Variants in TLN1 observed in about 807,000 individuals in gnomAD.
TLN1 encodes the protein talin 1, also known as talin-1.
TLN1 carries 56 observed loss-of-function variants against 292.3 expected under a neutral mutation model. That is an observed-to-expected ratio of 0.19 (90% CI 0.15 to 0.24). TLN1 has a LOEUF of 0.24. Ranked by LOEUF, TLN1 falls within the 10% of genes least tolerant of loss-of-function variation. The pLI, the probability that TLN1 is intolerant of heterozygous loss-of-function variation, is 1.00. For missense variants in TLN1, 2,433 were observed against 3,248.2 expected, an observed-to-expected ratio of 0.75 and a Z score of 6.10; for synonymous variants, 1,119 against 1,253.7, an observed-to-expected ratio of 0.89 and a Z score of 2.27.
chr9:35,712,820 T>C lies in TLN1; in HGVS notation c.3561+15A>G. 6.4e-7 allele frequency: 1 copy of C among 1,555,262 alleles called. No individual in the cohort carries two copies. The highest frequency in any genetic ancestry group is 8.7e-7 in the Non-Finnish European group (1 of 1,145,902). On this transcript the variant is annotated intron_variant, in intron 27 of 56. Transcript: ENST00000314888. The stretch of plus-strand genomic sequence containing the variant: ...AACCTGGGGGAGAGGGAGTGGCCCT[T>C]TCCCAGTATCTGACCTGGGCAAGCC...
rs148894711 is a variant in TLN1 at position 35,707,819 on chromosome 9, C to T, written c.4544G>A (p.Arg1515His). 121 of 1,613,928 alleles carry T rather than the reference C, an allele frequency of 7.5e-5. No homozygotes were observed. The highest frequency in any genetic ancestry group is 6.1e-4 in the African/African-American group (46 of 74,852). ...GCGCTTGGCAGTAGGATTGGTGGTA[C>T]GGGCAGAAGCCAGGCGACAGCTGTT... The part of the protein sequence containing the change: ...LCNSCRLASA[R>H]TTNPTAKRQF... The change falls in exon 35 of 57, where the codon CGT (arginine) becomes CAT (histidine). Residue 1515 changes from arginine to histidine, a missense_variant. Arg to His is a conservative substitution (Grantham distance 29). Around this residue, in one of 7 missense-constraint regions of TLN1, gnomAD observed 1,384 missense variants for 1,699.6 expected, o/e 0.81. Transcript: ENST00000314888. This position sits in a 1 kb window ranked among gnomAD's most constrained non-coding sequence, Gnocchi z 5.6.
Position 35,716,520 on chromosome 9 carries a change from G to C in TLN1, c.2495C>G (p.Ala832Gly). 1 of 1,614,210 alleles carries C rather than the reference G, an allele frequency of 6.2e-7. No homozygotes were observed. ...MVRQARILAQ[A>G]TSDLVNAIKA... is the part of the protein sequence containing the mutation. ...GATGGCATTGACCAGGTCAGATGTG[G>C]CTTGGGCCAGGATGCGGGCCTGTCG... The change falls in exon 20 of 57, where the codon GCC (alanine) becomes GGC (glycine). Residue 832 changes from alanine to glycine, a missense_variant. Coordinates refer to ENST00000314888, the MANE Select transcript of TLN1 (RefSeq NM_006289.4).
chr9:35,718,310 G>A (rs1163178800), intron 17 of TLN1, among the ~76,000 whole-genome samples: 2 of 152,250 alleles, frequency 1.3e-5, no homozygotes, highest in African/African-American at 2.4e-5. Flanking sequence ...AGTGTATGCG[G>A]CTCAGAGAGG....
chr9:35,705,558 T>G lies in TLN1; in HGVS notation c.5726A>C (p.Asn1909Thr), dbSNP rs907878717. 1.3e-6 allele frequency: 2 copies of G among 1,586,124 alleles called. No homozygotes were observed. Among genetic ancestry groups the G allele is most frequent in the Non-Finnish European group, 1.7e-6 (2 of 1,164,176 alleles). ...EAKPAAVAAE[N>T]EEIGSHIKHR... ...AGTTGCCTCCACGTTTACCTCTTCA[T>G]TTTCAGCAGCCACCGCTGCAGGCTT... The change falls in exon 43 of 57, where the codon AAT becomes ACT. Residue 1909 changes from asparagine to threonine, a missense_variant. This residue lies in a region of TLN1 where 1,384 missense variants were observed against 1,699.6 expected (regional missense o/e 0.81). Transcript: ENST00000314888.
At chr9:35,725,368 G>A in intron 2 of TLN1, 47 bp from the exon 3 acceptor site, 1 of 1,589,528 alleles carries the variant, frequency 6.3e-7, no homozygotes, top group Non-Finnish European at 8.6e-7. Flanking sequence ...ACCCCAATGT[G>A]GCTGAACAGC....
In TLN1 at chr9:35,706,095, T is replaced by A. The variant is rs931960025; in HGVS notation, c.5378A>T (p.Gln1793Leu). 2.5e-6 allele frequency: 4 copies of A among 1,614,182 alleles called. No individual in the cohort carries two copies. Among genetic ancestry groups the A allele is most frequent in the Non-Finnish European group, 3.4e-6 (4 of 1,180,026 alleles). ...GGNPKQAAHT[Q>L]EALEEAVQMM... ...CTGCACAGCCTCCTCCAGGGCTTCC[T>A]GGGTGTGAGCTGCTTGCTGTGGGGA... The change falls in exon 41 of 57, where the codon CAG (glutamine) becomes CTG (leucine). Residue 1793 changes from glutamine (Q) to leucine (L), a missense_variant. Transcript: ENST00000314888. This position sits in a 1 kb window ranked among gnomAD's most constrained non-coding sequence, Gnocchi z 4.2.
chr9:35,714,787 G>C lies in TLN1; in HGVS notation c.2844C>G (p.Pro948=), dbSNP rs747983214. The stretch of plus-strand genomic sequence containing the variant: ...TGCAGCTCTGCACCAGCAGGGGCTG[G>C]GGGCCGGCAGAGGCCTTGGGGGTAG... The part of the protein sequence containing the change: ...AASTPKASAG[P]QPLLVQSCKA... The change falls in exon 22 of 57, where the codon CCC becomes CCG. Residue 948 remains proline, a synonymous_variant. Coordinates refer to ENST00000314888, the MANE Select transcript of TLN1 (RefSeq NM_006289.4). This position sits in a 1 kb window ranked among gnomAD's most constrained non-coding sequence, Gnocchi z 4.6. The C allele has an allele frequency of 3.8e-6, 6 of 1,586,734 alleles. No homozygotes were observed. In the South Asian group the frequency reaches 5.8e-5, roughly 15 times the overall value.
Position 35,706,573 on chromosome 9 carries a change from G to A in TLN1, c.5089-22C>T. 6.2e-7 allele frequency: 1 copy of A among 1,611,626 alleles called. No individual in the cohort carries two copies. The highest frequency in any genetic ancestry group is 8.5e-7 in the Non-Finnish European group (1 of 1,178,212). On this transcript the variant is annotated intron_variant, in intron 38 of 56. Transcript: ENST00000314888. The surrounding 1 kb of genome is among the most constrained non-coding windows in gnomAD (Gnocchi z 4.2). ...AGGCCTGGGGAGGAAGTGGACATTAGCCCTGATGGTGACCTGCAATAGGAC... is the reference window on the plus strand; with the variant it reads ...AGGCCTGGGGAGGAAGTGGACATTAACCCTGATGGTGACCTGCAATAGGAC...
rs747380188 is a variant in TLN1, at chr9:35,717,782, G to A, written c.2000C>T (p.Ala667Val). ...ESDTDPHFQDALMQLAKAVAS... is the reference protein window; with the variant it reads ...ESDTDPHFQDVLMQLAKAVAS... The stretch of plus-strand genomic sequence containing the variant: ...CACAGCTTTGGCGAGCTGCATTAGC[G>A]CATCCTGTGAGAAAACAGCAGTTAG... Residue 667 changes from alanine to valine, a missense_variant, in exon 18 of 57, where the codon GCG becomes GTG. This residue lies in a region of TLN1 where 617 missense variants were observed against 770.6 expected (regional missense o/e 0.80). Coordinates refer to ENST00000314888, the MANE Select transcript of TLN1 (RefSeq NM_006289.4). The surrounding 1 kb of genome is among the most constrained non-coding windows in gnomAD (Gnocchi z 4.7). The A allele has an allele frequency of 9.4e-6, 15 of 1,595,396 alleles. No homozygotes were observed. Among genetic ancestry groups the A allele is most frequent in the Admixed American group, 6.7e-5 (4 of 59,420 alleles).
At chr9:35,708,613 AG>A in intron 33 of TLN1, 129 bp from the exon 34 acceptor site, 23 of 866,726 alleles carry the variant, frequency 2.7e-5, no homozygotes, top group Non-Finnish European at 3.3e-5. Context: ...GTTCTCCATG[AG>A]TGGAGATACA....
At chr9:35,702,311 CT>C (rs1384090806) in intron 48 of TLN1, among the ~76,000 whole-genome samples, 3 of 152,146 alleles carry the variant, frequency 2.0e-5, no homozygotes, top group African/African-American at 7.2e-5. Flanking sequence ...TGGATGTCTG[CT>C]TCTTACAGAA....
Position 35,713,941 on chromosome 9 carries a change from A to G in TLN1, c.3249+12T>C. On this transcript the variant is annotated intron_variant, in intron 25 of 56. Coordinates refer to ENST00000314888, the MANE Select transcript of TLN1 (RefSeq NM_006289.4). Reference sequence around the variant, plus strand: ...AGGATTTGAGTAAGAATGAGGTCTTAAACATACTTACTGTCTCCCCAGGTA... The same window carrying G: ...AGGATTTGAGTAAGAATGAGGTCTTGAACATACTTACTGTCTCCCCAGGTA... 6.2e-7 allele frequency: 1 copy of G among 1,614,090 alleles called. No individual in the cohort carries two copies. Among genetic ancestry groups the G allele is most frequent in the Non-Finnish European group, 8.5e-7 (1 of 1,180,024 alleles).
In TLN1 at chr9:35,706,291, G is replaced by T; in HGVS notation, c.5266C>A (p.Pro1756Thr). 6.2e-7 allele frequency: 1 copy of T among 1,613,944 alleles called. No individual in the cohort carries two copies. The highest frequency in any genetic ancestry group is 8.5e-7 in the Non-Finnish European group (1 of 1,179,858). The change falls in exon 40 of 57, where the codon CCG (proline) becomes ACG (threonine). Residue 1756 changes from proline (P) to threonine (T), a missense_variant. By Grantham distance (38) the Pro-to-Thr change is conservative. Around this residue, in one of 7 missense-constraint regions of TLN1, gnomAD observed 1,384 missense variants for 1,699.6 expected, o/e 0.81. Transcript: ENST00000314888. The surrounding 1 kb of genome is among the most constrained non-coding windows in gnomAD (Gnocchi z 4.2). ...VGAASKTLSH[P>T]QQMALLDQTK... The stretch of plus-strand genomic sequence containing the variant: ...TGGTCCAGGAGTGCCATCTGCTGCG[G>T]GTGGCTCAGGGTCTTGGAGGCAGCA...
rs1825856501 is a variant in TLN1, at chr9:35,720,172, T to C, written c.1331A>G (p.His444Arg). 3 of 1,608,484 alleles carry C rather than the reference T, an allele frequency of 1.9e-6. No homozygotes were observed. The highest frequency in any genetic ancestry group is 1.7e-6 in the Non-Finnish European group (2 of 1,177,580). ...QQYNRVGKVEHGSVALPAIMR... is the reference protein window; with the variant it reads ...QQYNRVGKVERGSVALPAIMR... ...GATGGCAGGCAGGGCCACAGAGCCA[T>C]GCTCCACTTTCCCCACCCGGTTGTA... is the stretch of plus-strand genomic sequence containing the variant. The change falls in exon 13 of 57, where the codon CAT becomes CGT. Residue 444 changes from histidine to arginine, a missense_variant. Around this residue, in one of 7 missense-constraint regions of TLN1, gnomAD observed 617 missense variants for 770.6 expected, o/e 0.80. Transcript: ENST00000314888.
At chr9:35,725,482 G>A in intron 2 of TLN1, 83 bp downstream of exon 2, 1 of 1,575,180 alleles carries the variant, frequency 6.3e-7, no homozygotes, top group Non-Finnish European at 8.7e-7. Flanking sequence ...AGGGGACAAA[G>A]GGGTCAACTC....
In TLN1 at chr9:35,697,400, A is replaced by C; in HGVS notation, c.*391T>G. 2 of 210,566 alleles carry C rather than the reference A, an allele frequency of 9.5e-6. No individual in the cohort carries two copies. Among genetic ancestry groups the C allele is most frequent in the Non-Finnish European group, 1.9e-5 (2 of 103,840 alleles). The allele number at this position is 210,566 out of a possible 1,614,324, so 13.0% of individuals were successfully genotyped here. Reference sequence around the variant, plus strand: ...TGGGGCTTATAACTCTGCAGCCCCTATGGGTAGCTGGGGGTGGGGGAAGAT... The same window carrying C: ...TGGGGCTTATAACTCTGCAGCCCCTCTGGGTAGCTGGGGGTGGGGGAAGAT... On this transcript the variant is annotated 3_prime_UTR_variant, in exon 57 of 57. Coordinates refer to ENST00000314888, the MANE Select transcript of TLN1 (RefSeq NM_006289.4).
Position 35,698,556 on chromosome 9 carries a change from C to T in TLN1, c.7189-51G>A. ...AATATGCCCCTTGCCCTGGTCCATC[C>T]CCACTCCAGCCTTCTCAAGTCTCTC... On this transcript the variant is annotated intron_variant, in intron 54 of 56. Transcript: ENST00000314888. This position sits in a 1 kb window ranked among gnomAD's most constrained non-coding sequence, Gnocchi z 5.3. 1 of 1,613,938 alleles carries T rather than the reference C, an allele frequency of 6.2e-7. No homozygotes were observed. The highest frequency in any genetic ancestry group is 8.5e-7 in the Non-Finnish European group (1 of 1,179,984).
rs1413085315 is a variant in TLN1 at position 35,707,955 on chromosome 9, A to T, written c.4471-63T>A. 5 of 1,579,244 alleles carry T rather than the reference A, an allele frequency of 3.2e-6. 1 individual carries two copies. In the Admixed American group the frequency reaches 5.1e-5, roughly 16 times the overall value. The stretch of plus-strand genomic sequence containing the variant: ...AAGGAGGTGTACATACCCAAGGAGG[A>T]GCCATTTTAGGGTCAGGGGATGGAG... On this transcript the variant is annotated intron_variant, in intron 34 of 56. Coordinates refer to ENST00000314888, the MANE Select transcript of TLN1 (RefSeq NM_006289.4). The surrounding 1 kb of genome is among the most constrained non-coding windows in gnomAD (Gnocchi z 5.6).
rs766522285 is a variant in TLN1, at chr9:35,699,080, C to T, written c.6951G>A (p.Glu2317=). 1.2e-6 allele frequency: 2 copies of T among 1,613,968 alleles called. No individual in the cohort carries two copies. Among genetic ancestry groups the T allele is most frequent in the Admixed American group, 1.7e-5 (1 of 60,000 alleles). The part of the protein sequence containing the change: ...NELLGAAAAI[E]AAAKKLEQLK... ...GCTGCTCTAGCTTTTTGGCTGCAGC[C>T]TCAATGGCGGCTGCAGCTCCCAGGA... The change falls in exon 52 of 57, where the codon GAG becomes GAA. Residue 2317 remains glutamate, a synonymous_variant. Transcript: ENST00000314888. This position sits in a 1 kb window ranked among gnomAD's most constrained non-coding sequence, Gnocchi z 4.0.
Sources: gnomAD v4.1 joint callset for allele counts (sites outside exome capture counted in the v4.1 genomes callset) on GRCh38, gnomAD v4.1.1 for gene constraint, gnomAD v4.1.1 regional missense constraint, Gnocchi (gnomAD v3.1) non-coding constraint, MANE v1.5 for transcripts, NCBI Gene and HGNC (gene_info 2026-07-23, HGNC 2026-07-21) for gene names.